Variants in FBXO31 observed in about 807,000 individuals in gnomAD.
FBXO31 encodes F-box protein 31, also known as F-box only protein 31.
In FBXO31, 24 loss-of-function variants were observed where a neutral mutation model predicts 54.4. The ratio of observed to expected loss-of-function variants is 0.44; its 90% CI spans 0.32 to 0.62. FBXO31 has a LOEUF of 0.62. Ranked by LOEUF, FBXO31 falls within the 20% of genes least tolerant of loss-of-function variation. FBXO31 has a pLI of 0.05. For synonymous variants in FBXO31, 388 were observed against 335.6 expected, an observed-to-expected ratio of 1.16 and a Z score of -1.71; for missense variants, 665 against 787.1, an observed-to-expected ratio of 0.84 and a Z score of 1.86.
intron 1 of FBXO31, among the ~76,000 whole-genome samples, chr16:87,370,484 C>G (rs1383395885): frequency 6.6e-6 from 1 of 152,206 alleles, no homozygotes; most frequent in African/African-American, 2.4e-5. Flanking sequence ...CTGGGGCACT[C>G]GACACCAGGG....
At chr16:87,337,279 AG>A (rs1418611161) in intron 5 of FBXO31, among the ~76,000 whole-genome samples, 1 of 152,266 alleles carries the variant, frequency 6.6e-6, no homozygotes, top group Admixed American at 6.5e-5. Flanking sequence ...CACCGCTGAA[AG>A]GAAGTAAAAA....
In FBXO31 at chr16:87,343,779, T is replaced by C. The variant is rs1034327421; in HGVS notation, c.490-14A>G. ...CAGGCCGTCCACCTACAGGAGGAGA[T>C]GGGCAAAGGTCCATGAGTGGCTCCC... On this transcript the variant is annotated splice_polypyrimidine_tract_variant and intron_variant, in intron 3 of 8. Transcript: ENST00000311635. 4 of 1,613,690 alleles carry C rather than the reference T, an allele frequency of 2.5e-6. No homozygotes were observed. Among genetic ancestry groups the C allele is most frequent in the Non-Finnish European group, 3.4e-6 (4 of 1,179,842 alleles).
intron 1 of FBXO31, among the ~76,000 whole-genome samples, chr16:87,366,039 A>G: frequency 6.6e-6 from 1 of 152,134 alleles, no homozygotes; most frequent in East Asian, 1.9e-4. Context: ...AAAAACACAA[A>G]ACAAAACAAA....
intron 1 of FBXO31, among the ~76,000 whole-genome samples, chr16:87,379,137 T>C (rs1906961080): frequency 6.6e-6 from 1 of 152,122 alleles, no homozygotes; most frequent in South Asian, 2.1e-4. Flanking sequence ...TTGTTTTGTT[T>C]TTTTGAGATG....
intron 1 of FBXO31, chr16:87,367,299 G>A (rs1423799961): frequency 6.6e-6 from 1 of 152,200 alleles, no homozygotes; most frequent in Non-Finnish European, 1.5e-5. Flanking sequence ...CAATATCCCT[G>A]CAGACCACTC....
chr16:87,380,676 G>C (rs763017354), intron 1 of FBXO31, among the ~76,000 whole-genome samples: 4 of 152,182 alleles, frequency 2.6e-5, no homozygotes, highest in African/African-American at 7.2e-5. Flanking sequence ...CTCAAAATGA[G>C]AATTCTCACG....
chr16:87,371,966 G>C (rs1906622236), intron 1 of FBXO31, among the ~76,000 whole-genome samples: 5 of 152,070 alleles, frequency 3.3e-5, no homozygotes, highest in Admixed American at 3.3e-4. Flanking sequence ...GCTCATGTAT[G>C]TAATCCCAGC....
chr16:87,385,010 T>TCAAA (rs147856418), upstream of FBXO31, among the ~76,000 whole-genome samples: 402 of 150,432 alleles, frequency 2.7e-3, 1 homozygote, highest in African/African-American at 8.7e-3. Flanking sequence ...CCCTGTCTCT[T>TCAAA]CAAACAAACA....
intron 1 of FBXO31, among the ~76,000 whole-genome samples, chr16:87,381,462 A>G (rs1175414399): frequency 1.3e-5 from 2 of 152,216 alleles, no homozygotes; most frequent in East Asian, 3.9e-4. Context: ...CATGCTCCCA[A>G]CAGGACTTGG....
At chr16:87,359,421 T>G (rs933097257) in intron 2 of FBXO31, among the ~76,000 whole-genome samples, 1 of 152,140 alleles carries the variant, frequency 6.6e-6, no homozygotes, top group Non-Finnish European at 1.5e-5. Context: ...CTATGGCTGT[T>G]ACAGGAAACC....
At chr16:87,331,940 GT>G (rs762330761) in intron 8 of FBXO31, among the ~76,000 whole-genome samples, 23 of 152,370 alleles carry the variant, frequency 1.5e-4, no homozygotes, top group Non-Finnish European at 1.6e-4. Flanking sequence ...TGGGAGTTAT[GT>G]CCCCATACAA....
chr16:87,383,812 C>G, upstream of FBXO31: 1 of 1,082,326 alleles, frequency 9.2e-7, no homozygotes, highest in Non-Finnish European at 1.1e-6. This position sits in a 1 kb window ranked among gnomAD's most constrained non-coding sequence, Gnocchi z 4.9. Context: ...CCGCCAGCGC[C>G]GAGCCACGCC....
At chr16:87,366,145 G>T (rs914261041) in intron 1 of FBXO31, among the ~76,000 whole-genome samples, 2 of 152,212 alleles carry the variant, frequency 1.3e-5, no homozygotes, top group African/African-American at 4.8e-5. Context: ...GGGGCTCCCA[G>T]ATGGGATTCT....
At chr16:87,347,325 G>T in intron 2 of FBXO31, 75 bp from the exon 3 acceptor site, 1 of 1,286,692 alleles carries the variant, frequency 7.8e-7, no homozygotes. Flanking sequence ...CCCCGAGAGG[G>T]AGGAAGGAAC....
Position 87,343,016 on chromosome 16 carries a change from C to T in FBXO31, c.658-65G>A, listed in dbSNP as rs1283154350. On this transcript the variant is annotated intron_variant, in intron 4 of 8. Coordinates refer to ENST00000311635, the MANE Select transcript of FBXO31 (RefSeq NM_024735.5). ...ACAGAGTCCATCACAGCATCCCCCACCCCAGGCAGGTGGCCACGACCCCTC... is the reference window on the plus strand; with the variant it reads ...ACAGAGTCCATCACAGCATCCCCCATCCCAGGCAGGTGGCCACGACCCCTC... The T allele has an allele frequency of 2.9e-5, 42 of 1,452,002 alleles. No homozygotes were observed. The East Asian group carries it at 4.1e-4, about 14-fold the overall frequency. The allele number at this position is 1,452,002 out of a possible 1,614,324, so 89.9% of individuals were successfully genotyped here.
At position 87,327,486 on chromosome 16, in the gene FBXO31, C is replaced by T. The variant is rs1445369524; in HGVS notation, c.*3802G>A. ...CAACCTGAGCAACATGGCAAAACTC[C>T]ATCTCTACAAAAACAAGTTAGCCAA... is the stretch of plus-strand genomic sequence containing the variant. On this transcript the variant is annotated 3_prime_UTR_variant, in exon 9 of 9. Transcript: ENST00000311635. 1.3e-5 allele frequency: 2 copies of T among 152,356 alleles called. No homozygotes were observed. The highest frequency in any genetic ancestry group is 4.8e-5 in the African/African-American group (2 of 41,442). 9.4% of individuals were successfully genotyped at this position (152,356 alleles called of 1,614,324 possible). A position where few individuals can be genotyped will look rare whatever the true frequency, so the allele number is the denominator to read the frequency against.
At position 87,383,615 on chromosome 16, in the gene FBXO31, T is replaced by A; in HGVS notation, c.130A>T (p.Ile44Phe). 1 of 1,463,544 alleles carries A rather than the reference T, an allele frequency of 6.8e-7. No homozygotes were observed. Among genetic ancestry groups the A allele is most frequent in the South Asian group, 1.3e-5 (1 of 75,216 alleles). The allele number at this position is 1,463,544 out of a possible 1,614,324, so 90.7% of individuals were successfully genotyped here. Residue 44 changes from isoleucine to phenylalanine, a missense_variant, in exon 1 of 9, where the codon ATC becomes TTC. By Grantham distance (21) the Ile-to-Phe change is conservative. Transcript: ENST00000311635. This position sits in a 1 kb window ranked among gnomAD's most constrained non-coding sequence, Gnocchi z 4.9. ...EPDTDPEEER[I>F]EASAGVGGGL... ...CCCCCGACCCCGGCGCTAGCCTCGA[T>A]GCGCTCCTCCTCGGGGTCTGTGTCC...
At chr16:87,378,941 G>A (rs1348361373) in intron 1 of FBXO31, among the ~76,000 whole-genome samples, 2 of 140,050 alleles carry the variant, frequency 1.4e-5, no homozygotes, top group African/African-American at 5.4e-5. Flanking sequence ...CAGCCAGGGC[G>A]ACAAAGCAAG....
chr16:87,368,567 GT>G (rs1906463956), intron 1 of FBXO31, among the ~76,000 whole-genome samples: 1 of 151,084 alleles, frequency 6.6e-6, no homozygotes, highest in South Asian at 2.1e-4. Context: ...CAGGTTCAGT[GT>G]TGCAGGCTGT....
Sources: allele counts gnomAD v4.1 joint callset (sites outside exome capture counted in the v4.1 genomes callset), GRCh38; gene constraint gnomAD v4.1.1; non-coding constraint Gnocchi (gnomAD v3.1); transcripts MANE v1.5; gene names NCBI Gene and HGNC (gene_info 2026-07-23, HGNC 2026-07-21).